The following PSD3 variants were observed in gnomAD, a reference collection of about 807,000 sequenced individuals.
The protein encoded by PSD3 is PH and SEC7 domain-containing protein 3.
Under a neutral mutation model 105.5 loss-of-function variants are expected in PSD3, and 49 were observed. That is an observed-to-expected ratio of 0.46 (90% CI 0.37 to 0.59). PSD3 has a LOEUF of 0.59. PSD3 is among the 20% of genes least tolerant of loss of function. PSD3 has a pLI of 0.00. For synonymous variants in PSD3, 557 were observed against 457.8 expected (o/e 1.22, Z -2.77); for missense variants, 1,561 against 1,263.8 (o/e 1.24, Z -3.57).
intron 10 of PSD3, among the ~76,000 whole-genome samples, chr8:18,634,334 T>C (rs1439330967): frequency 6.6e-6 from 1 of 152,030 alleles, no homozygotes; most frequent in Non-Finnish European, 1.5e-5. Context: ...TTAGAAGAAA[T>C]GGATATTTTA....
In PSD3 at chr8:18,724,134, T is replaced by C. The variant is rs147734479; in HGVS notation, c.2172+41315A>G. On this transcript the variant is annotated intron_variant, in intron 9 of 15. Transcript: ENST00000327040. ...AAATATGAGCCTAGGGTTTGGATTC[T>C]TTATAAGCAGGTAGGGGTGGAAGAA... Among the ~76,000 whole-genome samples the C allele has an allele frequency of 5.3e-5, 8 of 152,324 alleles. No individual in the cohort carries two copies. The East Asian group carries it at 1.5e-3, about 29-fold the overall frequency.
chr8:18,779,648 G>T (rs897004532), intron 8 of PSD3, among the ~76,000 whole-genome samples: 1 of 151,862 alleles, frequency 6.6e-6, no homozygotes, highest in African/African-American at 2.4e-5. Context: ...TTCCCATTTT[G>T]ATTTGTTTCA....
chr8:18,767,851 G>A (rs1807152400), intron 8 of PSD3, among the ~76,000 whole-genome samples: 1 of 152,012 alleles, frequency 6.6e-6, no homozygotes, highest in African/African-American at 2.4e-5. Flanking sequence ...TCAAGGTCAC[G>A]CTATTCTTTC....
At chr8:18,914,064 G>C (rs1438091435) in intron 2 of PSD3, among the ~76,000 whole-genome samples, 3 of 152,040 alleles carry the variant, frequency 2.0e-5, no homozygotes, top group Non-Finnish European at 4.4e-5. Context: ...AAACCCCAGG[G>C]GAGCCAGGAA....
At position 18,905,511 on chromosome 8, in the gene PSD3, G is replaced by A. The variant is rs896829149; in HGVS notation, c.130+30523C>T. Among the ~76,000 whole-genome samples, 5 of 152,160 alleles carry A rather than the reference G, an allele frequency of 3.3e-5. No individual in the cohort carries two copies. The East Asian group carries it at 5.8e-4, about 18-fold the overall frequency. On this transcript the variant is annotated intron_variant, in intron 2 of 15. Coordinates refer to ENST00000327040, the MANE Select transcript of PSD3 (RefSeq NM_015310.4). ...GATAATTTTTGTATTTTTAATAGAC[G>A]GGGTTTCACCATATTGGTCAGGCTG... is the stretch of plus-strand genomic sequence containing the variant.
intron 1 of PSD3, among the ~76,000 whole-genome samples, chr8:19,064,356 A>T (rs931957067): frequency 3.7e-4 from 57 of 152,254 alleles, no homozygotes; most frequent in African/African-American, 1.3e-3. Context: ...AATATTTTTA[A>T]TTATTAACTA....
At chr8:18,724,813 G>C (rs574119894) in intron 9 of PSD3, among the ~76,000 whole-genome samples, 2 of 151,970 alleles carry the variant, frequency 1.3e-5, no homozygotes, top group East Asian at 3.9e-4. Context: ...AAGCAGCAAG[G>C]AAATAACATA....
intron 4 of PSD3, among the ~76,000 whole-genome samples, chr8:18,854,697 A>G (rs1815862896): frequency 6.6e-6 from 1 of 152,236 alleles, no homozygotes; most frequent in African/African-American, 2.4e-5. Context: ...TTAAGTCATT[A>G]ATATTATACA....
chr8:18,804,579 G>T lies in PSD3; in HGVS notation c.1853C>A (p.Ala618Glu), dbSNP rs752487150. ...ATCAAAAAACTTCAGATATTCTTCT[G>T]CAACTAGTTTGCTAAATTCGTTGCT... ...GKNNEFSKLVAEEYLKFFDFT... is the reference protein window; with the variant it reads ...GKNNEFSKLVEEEYLKFFDFT... The change falls in exon 6 of 16, where the codon GCA (alanine) becomes GAA (glutamate). Residue 618 changes from alanine (A) to glutamate (E), a missense_variant. Ala to Glu is a moderately radical substitution (Grantham distance 107, BLOSUM62 -1). Transcript: ENST00000327040. The T allele has an allele frequency of 2.5e-6, 4 of 1,613,420 alleles. No homozygotes were observed. The Admixed American group carries it at 6.7e-5, about 27-fold the overall frequency.
chr8:18,686,287 G>C (rs1003078215), intron 9 of PSD3, among the ~76,000 whole-genome samples: 4 of 152,186 alleles, frequency 2.6e-5, no homozygotes, highest in Non-Finnish European at 4.4e-5. Context: ...GAAGTGGGTT[G>C]AGGTAATATT....
chr8:19,036,401 G>A (rs918184582), intron 1 of PSD3, among the ~76,000 whole-genome samples: 1 of 151,874 alleles, frequency 6.6e-6, no homozygotes, highest in East Asian at 1.9e-4. Context: ...CTTTAGACCC[G>A]CCTCCTGTCA....
At chr8:18,819,670 CA>C (rs1812525053) in intron 4 of PSD3, among the ~76,000 whole-genome samples, 1 of 151,074 alleles carries the variant, frequency 6.6e-6, no homozygotes, top group African/African-American at 2.4e-5. Flanking sequence ...CCTCCGCCTC[CA>C]GGGTTCATGT....
intron 9 of PSD3, among the ~76,000 whole-genome samples, chr8:18,763,651 G>C (rs1027446557): frequency 1.3e-5 from 2 of 152,084 alleles, no homozygotes; most frequent in African/African-American, 4.8e-5. Context: ...CAGGAAGAAA[G>C]GGAGGAAAGG....
At chr8:18,707,075 C>G (rs147978227) in intron 9 of PSD3, among the ~76,000 whole-genome samples, 1 of 152,278 alleles carries the variant, frequency 6.6e-6, no homozygotes, top group East Asian at 1.9e-4. Context: ...GTTCCTATTA[C>G]GCTTATTCCC....
At chr8:18,748,866 G>C (rs1225931934) in intron 9 of PSD3, among the ~76,000 whole-genome samples, 1 of 152,158 alleles carries the variant, frequency 6.6e-6, no homozygotes, top group East Asian at 1.9e-4. Context: ...GGTAAGCCCT[G>C]TGGGGCAATA....
At chr8:18,801,923 T>C (rs914128033) in intron 6 of PSD3, among the ~76,000 whole-genome samples, 2 of 152,114 alleles carry the variant, frequency 1.3e-5, no homozygotes, top group Non-Finnish European at 2.9e-5. Flanking sequence ...AATTTCCTCA[T>C]TATGACCAAG....
chr8:18,623,218 G>A (rs2130722851), intron 11 of PSD3, among the ~76,000 whole-genome samples: 1 of 130,190 alleles, frequency 7.7e-6, no homozygotes, highest in East Asian at 2.2e-4. Flanking sequence ...TTTGTTTACT[G>A]AGTTTTCTAA....
chr8:18,740,197 C>T (rs1276034825), intron 9 of PSD3, among the ~76,000 whole-genome samples: 2 of 152,190 alleles, frequency 1.3e-5, no homozygotes, highest in African/African-American at 4.8e-5. Context: ...CTCCGACTGG[C>T]CCGCAAAACT....
At chr8:18,636,255 T>G (rs1807248945) in intron 10 of PSD3, among the ~76,000 whole-genome samples, 1 of 129,960 alleles carries the variant, frequency 7.7e-6, no homozygotes, top group Non-Finnish European at 1.6e-5. Context: ...GTCCCATGTG[T>G]TCTAATTTTT....
Sources: allele counts gnomAD v4.1 joint callset (sites outside exome capture counted in the v4.1 genomes callset), GRCh38; gene constraint gnomAD v4.1.1; transcripts MANE v1.5; gene names NCBI Gene and HGNC (gene_info 2026-07-23, HGNC 2026-07-21).